The following ATP9A variants were observed in gnomAD, a reference collection of about 807,000 sequenced individuals.
The protein encoded by ATP9A is probable phospholipid-transporting ATPase IIA.
ATP9A carries 52 observed loss-of-function variants against 144.1 expected under a neutral mutation model. The ratio of observed to expected loss-of-function variants is 0.36; its 90% confidence interval spans 0.29 to 0.45. The LOEUF (loss-of-function observed/expected upper bound fraction) is 0.45, where lower values mean the gene tolerates loss of function less well. ATP9A is among the 20% of genes least tolerant of loss of function. ATP9A has a pLI of 1.00. For missense variants in ATP9A, 947 were observed against 1,392.7 expected (o/e 0.68, Z 5.09); for synonymous variants, 582 against 557.4 (o/e 1.04, Z -0.62).
chr20:51,698,716 T>C (rs553065226), intron 4 of ATP9A, among the ~76,000 whole-genome samples: 1 of 152,134 alleles, frequency 6.6e-6, no homozygotes, highest in Non-Finnish European at 1.5e-5. Flanking sequence ...AAGGACACTG[T>C]GTTTACCAAT....
intron 11 of ATP9A, among the ~76,000 whole-genome samples, chr20:51,672,770 C>A (rs2077461463): frequency 6.6e-6 from 1 of 152,024 alleles, no homozygotes; most frequent in Non-Finnish European, 1.5e-5. Flanking sequence ...AAAGTAGAAG[C>A]AAACAGAACA....
intron 4 of ATP9A, among the ~76,000 whole-genome samples, chr20:51,706,070 C>T (rs6021391): frequency 0.011 from 1,622 of 152,320 alleles, 31 homozygotes; most frequent in African/African-American, 0.037. Flanking sequence ...TGGTTTTCAA[C>T]AGTTTGTCCA....
intron 4 of ATP9A, among the ~76,000 whole-genome samples, chr20:51,698,354 C>T (rs1000974924): frequency 6.6e-6 from 1 of 152,204 alleles, no homozygotes; most frequent in African/African-American, 2.4e-5. Context: ...AAAACCCTGT[C>T]TCTACCAAAA....
chr20:51,686,410 A>G (rs963409336), intron 9 of ATP9A, among the ~76,000 whole-genome samples: 1 of 152,012 alleles, frequency 6.6e-6, no homozygotes, highest in Non-Finnish European at 1.5e-5. Context: ...TTAAATTTCT[A>G]TATGGTAAAA....
intron 19 of ATP9A, among the ~76,000 whole-genome samples, chr20:51,621,576 G>A (rs774096101): frequency 1.8e-4 from 27 of 152,114 alleles, no homozygotes; most frequent in African/African-American, 5.8e-4. Flanking sequence ...AAGGGCGGGC[G>A]ATTTCTCATT....
At chr20:51,651,384 T>TA (rs2077365916) in intron 14 of ATP9A, among the ~76,000 whole-genome samples, 3 of 143,024 alleles carry the variant, frequency 2.1e-5, no homozygotes, top group East Asian at 4.0e-4. Flanking sequence ...CTTTACATAT[T>TA]TATAATATGT....
chr20:51,695,284 A>C (rs1235044364), intron 6 of ATP9A, among the ~76,000 whole-genome samples: 2 of 152,000 alleles, frequency 1.3e-5, no homozygotes, highest in African/African-American at 4.8e-5. Flanking sequence ...GGAGTTCGAG[A>C]CCAGCCTGGC....
chr20:51,660,487 GACT>G (rs2077406287), intron 13 of ATP9A, among the ~76,000 whole-genome samples: 1 of 152,178 alleles, frequency 6.6e-6, no homozygotes, highest in South Asian at 2.1e-4. Context: ...TGAATTAGAA[GACT>G]ACTATGATAG....
intron 17 of ATP9A, among the ~76,000 whole-genome samples, chr20:51,627,294 A>T (rs948502432): frequency 2.6e-5 from 4 of 152,170 alleles, no homozygotes; most frequent in Non-Finnish European, 5.9e-5. Context: ...GCAATGAACA[A>T]AGTGAAATGG....
intron 1 of ATP9A, among the ~76,000 whole-genome samples, chr20:51,767,188 G>T (rs1039844663): frequency 1.3e-5 from 2 of 151,862 alleles, no homozygotes; most frequent in Non-Finnish European, 2.9e-5. Flanking sequence ...GGCCGCCACC[G>T]GGAAATGCCC....
intron 1 of ATP9A, among the ~76,000 whole-genome samples, chr20:51,764,775 G>A (rs1051138702): frequency 3.3e-5 from 5 of 151,834 alleles, no homozygotes; most frequent in African/African-American, 1.2e-4. Flanking sequence ...AGGCTGGAGT[G>A]CAGTGGTACA....
intron 23 of ATP9A, among the ~76,000 whole-genome samples, chr20:51,613,015 G>A (rs906249064): frequency 6.6e-6 from 1 of 152,222 alleles, no homozygotes; most frequent in South Asian, 2.1e-4. Context: ...AGGCTTTGAG[G>A]TCCACCTGCC....
intron 1 of ATP9A, among the ~76,000 whole-genome samples, chr20:51,760,394 T>C (rs2077874026): frequency 6.6e-6 from 1 of 152,138 alleles, no homozygotes; most frequent in South Asian, 2.1e-4. Context: ...AATGGTTCCA[T>C]ATTCGAAAAT....
intron 1 of ATP9A, among the ~76,000 whole-genome samples, chr20:51,752,893 G>T (rs2077838592): frequency 6.6e-6 from 1 of 152,118 alleles, no homozygotes; most frequent in African/African-American, 2.4e-5. Context: ...ACCTGAGGCT[G>T]GGAGTTCGAG....
At chr20:51,643,074 G>T (rs2122752353) in intron 14 of ATP9A, among the ~76,000 whole-genome samples, 1 of 152,262 alleles carries the variant, frequency 6.6e-6, no homozygotes, top group East Asian at 1.9e-4. Context: ...AGTCTACTAT[G>T]CTCAGATATC....
intron 1 of ATP9A, among the ~76,000 whole-genome samples, chr20:51,761,925 A>C (rs6021421): frequency 0.89 from 135,436 of 151,918 alleles, 60,588 homozygotes; most frequent in African/African-American, 0.95. Context: ...CGTTTCCTTA[A>C]CTCTTCCAAC....
chr20:51,706,901 C>T (rs996907478), intron 4 of ATP9A, among the ~76,000 whole-genome samples: 4 of 152,166 alleles, frequency 2.6e-5, no homozygotes, highest in Admixed American at 2.6e-4. Context: ...CTATAGCATG[C>T]CTGTACTGTA....
intron 13 of ATP9A, among the ~76,000 whole-genome samples, chr20:51,661,730 A>G (rs2077411605): frequency 6.6e-6 from 1 of 152,054 alleles, no homozygotes. Context: ...AACCTGCCAC[A>G]TCAAAAAAGC....
At chr20:51,680,382 T>C (rs1348769897) in intron 9 of ATP9A, among the ~76,000 whole-genome samples, 1 of 152,110 alleles carries the variant, frequency 6.6e-6, no homozygotes, top group Non-Finnish European at 1.5e-5. Context: ...AGAACTGGGC[T>C]AGAGCACCAG....
Sources: gnomAD v4.1 joint callset for allele counts (sites outside exome capture counted in the v4.1 genomes callset) on GRCh38, gnomAD v4.1.1 for gene constraint, MANE v1.5 for transcripts, NCBI Gene and HGNC (gene_info 2026-07-23, HGNC 2026-07-21) for gene names.